ATP8A2: variants seen among roughly 807,000 people sequenced by gnomAD.
ATP8A2 encodes the protein ATPase phospholipid transporting 8A2.
A neutral mutation model predicts 165.6 loss-of-function variants in ATP8A2; 100 were observed. That is an observed-to-expected ratio of 0.60 (90% confidence interval 0.51 to 0.71). The LOEUF is 0.71. Among genes scored for constraint, ATP8A2 ranks in the 30% least tolerant of loss-of-function variants. The pLI is 0.00. For missense variants in ATP8A2, 1,227 were observed against 1,479.5 expected (o/e 0.83, Z 2.80); for synonymous variants, 543 against 548.8 (o/e 0.99, Z 0.15).
chr13:25,745,173 C>T (rs1413015542), intron 25 of ATP8A2, among the ~76,000 whole-genome samples: 2 of 152,128 alleles, frequency 1.3e-5, no homozygotes, highest in African/African-American at 4.8e-5. Flanking sequence ...AAACTCCTGA[C>T]CTCAAGTGAT....
At chr13:25,609,535 G>GGATTCAAATATATATATATATATTTT (rs1565976825) in intron 24 of ATP8A2, among the ~76,000 whole-genome samples, 4 of 26,632 alleles carry the variant, frequency 1.5e-4, no homozygotes, top group Non-Finnish European at 9.9e-5. Flanking sequence ...TATATATTTG[G>GGATTCAAATATATATATATATATTTT]GATTCAAATA....
chr13:25,881,995 G>C (rs184875734), intron 33 of ATP8A2, among the ~76,000 whole-genome samples: 1 of 152,210 alleles, frequency 6.6e-6, no homozygotes, highest in Non-Finnish European at 1.5e-5. Context: ...CTGACCACTG[G>C]GGCAAAGAGA....
In ATP8A2 at chr13:25,372,548, A is replaced by G. The variant is rs182808376; in HGVS notation, c.76+260A>G. 0.021 allele frequency among the ~76,000 whole-genome samples: 3,232 copies of G among 152,182 alleles called. 107 individuals are homozygous for G. Among genetic ancestry groups the G allele is most frequent in the African/African-American group, 0.071 (2,959 of 41,528 alleles). On this transcript the variant is annotated intron_variant, in intron 1 of 36. Transcript: ENST00000381655. The surrounding 1 kb of genome is among the most constrained non-coding windows in gnomAD (Gnocchi z 4.8). ...AGAGACCCCCGGCTCGTCCCTGTAC[A>G]GATGTGTGTGTGTGTGTGCGGCCTC...
chr13:25,532,460 A>G (rs1468668528), intron 5 of ATP8A2, 143 bp downstream of exon 5: 2 of 596,820 alleles, frequency 3.4e-6, no homozygotes, highest in Non-Finnish European at 5.8e-6. Context: ...AAAATAACAA[A>G]CAAACTGAAC....
chr13:25,464,508 C>T (rs182404768), intron 1 of ATP8A2, among the ~76,000 whole-genome samples: 7 of 150,062 alleles, frequency 4.7e-5, no homozygotes, highest in East Asian at 3.9e-4. Context: ...GGGTAGAAGA[C>T]GGCCATCTAG....
chr13:25,670,396 C>G (rs557797717), intron 24 of ATP8A2, among the ~76,000 whole-genome samples: 3 of 152,328 alleles, frequency 2.0e-5, no homozygotes, highest in African/African-American at 7.2e-5. Flanking sequence ...GCCCTGGGAG[C>G]TGGATGGAGT....
At chr13:25,524,811 T>G (rs963122362) in intron 2 of ATP8A2, among the ~76,000 whole-genome samples, 4 of 152,010 alleles carry the variant, frequency 2.6e-5, no homozygotes, top group Non-Finnish European at 5.9e-5. Flanking sequence ...TTAAGTTCAT[T>G]TACATGCAGT....
At position 25,528,603 on chromosome 13, in the gene ATP8A2, T is replaced by G. The variant is rs561253203; in HGVS notation, c.222-1396T>G. On this transcript the variant is annotated intron_variant, in intron 2 of 36. Coordinates refer to ENST00000381655, the MANE Select transcript of ATP8A2 (RefSeq NM_016529.6). The stretch of plus-strand genomic sequence containing the variant: ...CTGGTGTATTCTGTCTCCTGAGCCC[T>G]TCGCCCTTCTATTGGGGTGCTTCTA... Among the ~76,000 whole-genome samples, 16 of 152,326 alleles carry G rather than the reference T, an allele frequency of 1.1e-4. No homozygotes were observed. In the South Asian group the frequency reaches 2.7e-3, roughly 26 times the overall value.
intron 33 of ATP8A2, among the ~76,000 whole-genome samples, chr13:25,926,261 A>G (rs946972055): frequency 3.3e-5 from 5 of 152,040 alleles, no homozygotes; most frequent in Non-Finnish European, 7.4e-5. Context: ...CCTCTCCAGC[A>G]TCTGGGGCCT....
intron 2 of ATP8A2, among the ~76,000 whole-genome samples, chr13:25,525,319 G>C (rs1161365841): frequency 6.6e-6 from 1 of 152,046 alleles, no homozygotes; most frequent in Non-Finnish European, 1.5e-5. Context: ...CTTCATACTA[G>C]AGTTATGAGT....
intron 1 of ATP8A2, among the ~76,000 whole-genome samples, chr13:25,418,636 C>T (rs534390389): frequency 6.6e-6 from 1 of 152,262 alleles, no homozygotes; most frequent in Admixed American, 6.5e-5. Flanking sequence ...ATGGCATCTT[C>T]CACAGTATGG....
At chr13:25,975,938 C>G (rs1449146202) in intron 35 of ATP8A2, among the ~76,000 whole-genome samples, 1 of 152,200 alleles carries the variant, frequency 6.6e-6, no homozygotes, top group African/African-American at 2.4e-5. Flanking sequence ...ATCAGTCAAA[C>G]AACCCGTCCA....
chr13:25,671,431 C>A (rs56923549), intron 24 of ATP8A2, among the ~76,000 whole-genome samples: 4 of 152,120 alleles, frequency 2.6e-5, no homozygotes, highest in Non-Finnish European at 4.4e-5. Context: ...GTGAGCCAGG[C>A]GGAACAGAGC....
At chr13:25,673,816 G>T (rs776303356) in intron 24 of ATP8A2, among the ~76,000 whole-genome samples, 3 of 152,168 alleles carry the variant, frequency 2.0e-5, no homozygotes, top group Non-Finnish European at 4.4e-5. Flanking sequence ...TTATTTGCCT[G>T]TGTGGTCCTA....
intron 34 of ATP8A2, among the ~76,000 whole-genome samples, chr13:25,967,828 A>C (rs1024078619): frequency 2.6e-5 from 4 of 152,156 alleles, no homozygotes; most frequent in East Asian, 1.9e-4. Context: ...TTATTTGAGC[A>C]TTGTGAGGTA....
At chr13:25,513,566 A>T (rs2037351779) in intron 2 of ATP8A2, among the ~76,000 whole-genome samples, 2 of 152,190 alleles carry the variant, frequency 1.3e-5, no homozygotes, top group South Asian at 2.1e-4. Context: ...GCGGCCGGGC[A>T]GAGGCTGCAA....
intron 24 of ATP8A2, among the ~76,000 whole-genome samples, chr13:25,687,956 C>T (rs1262082741): frequency 6.6e-6 from 1 of 152,116 alleles, no homozygotes; most frequent in Non-Finnish European, 1.5e-5. Context: ...TCCCTGTAGA[C>T]TCTGGGATGA....
chr13:26,009,825 G>A (rs907558891), intron 35 of ATP8A2, among the ~76,000 whole-genome samples: 1 of 152,154 alleles, frequency 6.6e-6, no homozygotes, highest in Non-Finnish European at 1.5e-5. Flanking sequence ...CAGCACTTTC[G>A]GAGGCTGAAG....
At chr13:25,474,002 G>A (rs1275226652) in intron 2 of ATP8A2, among the ~76,000 whole-genome samples, 1 of 152,158 alleles carries the variant, frequency 6.6e-6, no homozygotes, top group Non-Finnish European at 1.5e-5. Flanking sequence ...TTGAAATAGT[G>A]AATTTCAAAG....
Sources: allele counts gnomAD v4.1 joint callset (sites outside exome capture counted in the v4.1 genomes callset), GRCh38; gene constraint gnomAD v4.1.1; non-coding constraint Gnocchi (gnomAD v3.1); transcripts MANE v1.5; gene names NCBI Gene and HGNC (gene_info 2026-07-23, HGNC 2026-07-21).